Variants in CNDP1 observed in about 807,000 individuals in gnomAD.
CNDP1 encodes carnosine dipeptidase 1.
A neutral mutation model predicts 58.1 loss-of-function variants in CNDP1; 44 were observed. The observed-to-expected ratio is 0.76, with a 90% CI of 0.60 to 0.97. The LOEUF is 0.97. Ranked by LOEUF, CNDP1 falls within the 50% of genes least tolerant of loss-of-function variation. The pLI, the probability that CNDP1 is intolerant of heterozygous loss-of-function variation, is 0.00. For synonymous variants in CNDP1, 254 were observed against 252.6 expected (o/e 1.01, Z -0.05); for missense variants, 616 against 655.1 (o/e 0.94, Z 0.65).
intron 1 of CNDP1, among the ~76,000 whole-genome samples, chr18:74,548,104 C>T (rs1350789289): frequency 1.3e-5 from 2 of 152,184 alleles, no homozygotes; most frequent in African/African-American, 4.8e-5. Flanking sequence ...TCCTGTTCTT[C>T]AGCTCCTCTT....
chr18:74,544,216 C>A (rs960659572), intron 1 of CNDP1, among the ~76,000 whole-genome samples: 3 of 152,148 alleles, frequency 2.0e-5, no homozygotes, highest in South Asian at 2.1e-4. Context: ...TATGCCACTA[C>A]ACTCCAGCCT....
Position 74,556,466 on chromosome 18 carries a change from G to A in CNDP1, c.153G>A (p.Gln51=), listed in dbSNP as rs1465475006. 1.2e-6 allele frequency: 2 copies of A among 1,614,144 alleles called. No individual in the cohort carries two copies. The highest frequency in any genetic ancestry group is 8.5e-7 in the Non-Finnish European group (1 of 1,180,012). ...YIDLHQDEFV[Q]TLKEWVAIES... ...ACCTCCATCAGGATGAATTTGTGCA[G>A]GTAGGAGAAAGAAACTACACAACTA... is the stretch of plus-strand genomic sequence containing the variant. Residue 51 remains glutamine, a splice_region_variant and synonymous_variant, in exon 2 of 12, where the codon CAG becomes CAA. Coordinates refer to ENST00000358821, the MANE Select transcript of CNDP1 (RefSeq NM_032649.6).
At chr18:74,556,708 A>T (rs936728065) in intron 2 of CNDP1, among the ~76,000 whole-genome samples, 2 of 152,292 alleles carry the variant, frequency 1.3e-5, no homozygotes, top group Admixed American at 1.3e-4. Flanking sequence ...TGGTCCAGGG[A>T]TGTCCACACA....
chr18:74,560,455 C>A (rs1981160082), intron 3 of CNDP1, among the ~76,000 whole-genome samples: 1 of 152,148 alleles, frequency 6.6e-6, no homozygotes. Context: ...CACTTGAAAT[C>A]CTAGCACTTT....
intron 5 of CNDP1, among the ~76,000 whole-genome samples, chr18:74,565,557 A>G (rs998480689): frequency 2.6e-5 from 4 of 152,202 alleles, no homozygotes; most frequent in Non-Finnish European, 5.9e-5. Context: ...GTGTCCATGC[A>G]AGTCTGAAAT....
intron 1 of CNDP1, among the ~76,000 whole-genome samples, chr18:74,546,848 C>A (rs1980772974): frequency 6.6e-6 from 1 of 152,198 alleles, no homozygotes; most frequent in African/African-American, 2.4e-5. Context: ...GGTGTGTGGC[C>A]TCACATTCTG....
At chr18:74,554,142 C>T (rs185574246) in intron 1 of CNDP1, among the ~76,000 whole-genome samples, 6 of 152,288 alleles carry the variant, frequency 3.9e-5, no homozygotes, top group African/African-American at 9.6e-5. Context: ...GATGCCACCC[C>T]GACTGCACTG....
Position 74,569,716 on chromosome 18 carries a change from A to G in CNDP1, c.757-1470A>G, listed in dbSNP as rs146743871. On this transcript the variant is annotated intron_variant, in intron 6 of 11. Coordinates refer to ENST00000358821, the MANE Select transcript of CNDP1 (RefSeq NM_032649.6). ...AAGCCATGGGCTCCATGGAGTTCCC[A>G]AGGAGGCAATTCTCCTTAGTGCCTC... 1.2e-4 allele frequency among the ~76,000 whole-genome samples: 18 copies of G among 152,292 alleles called. No individual in the cohort carries two copies. In the East Asian group the frequency reaches 3.5e-3, roughly 29 times the overall value.
rs763668694 is a variant in CNDP1 at position 74,559,505 on chromosome 18, G to A, written c.303+33G>A. ...ACGATTCCCTCCCACTGAGGGAGGT[G>A]CTACTTCTAGACGTCAGTCATGCCT... On this transcript the variant is annotated intron_variant, in intron 3 of 11. Coordinates refer to ENST00000358821, the MANE Select transcript of CNDP1 (RefSeq NM_032649.6). 1.9e-6 allele frequency: 3 copies of A among 1,582,526 alleles called. No homozygotes were observed. In the Admixed American group the frequency reaches 5.4e-5, roughly 28 times the overall value.
chr18:74,556,356 G>GTGT lies in CNDP1; in HGVS notation c.45_46insTTG (p.Leu20dup), dbSNP rs1555709373. 3.8e-6 allele frequency: 6 copies of GTGT among 1,574,172 alleles called. No individual in the cohort carries two copies. The South Asian group carries it at 5.7e-5, about 15-fold the overall frequency. On this transcript the variant is annotated inframe_insertion, in exon 2 of 12. Transcript: ENST00000358821. ...CTTCCAGGCTGCGTCCCTGCTGGCTGTGCTGCTGCTGCTGCTGGAGCGCGG... is the reference window on the plus strand; with the variant it reads ...CTTCCAGGCTGCGTCCCTGCTGGCTGTGTTGCTGCTGCTGCTGCTGGAGCGCGG...
At chr18:74,546,406 A>G (rs1000466813) in intron 1 of CNDP1, among the ~76,000 whole-genome samples, 2 of 152,188 alleles carry the variant, frequency 1.3e-5, no homozygotes, top group Admixed American at 6.5e-5. Context: ...GGCCCACCCT[A>G]GCGGCTTGGT....
Position 74,554,390 on chromosome 18 carries a change from T to C in CNDP1, c.25-1948T>C, listed in dbSNP as rs1466928092. ...CCCCAGGTGCTGAGTGACACTCTGG[T>C]TAGGGAGATGCACTCTTTATTGCCG... On this transcript the variant is annotated intron_variant, in intron 1 of 11. Coordinates refer to ENST00000358821, the MANE Select transcript of CNDP1 (RefSeq NM_032649.6). 3.9e-5 allele frequency among the ~76,000 whole-genome samples: 6 copies of C among 152,250 alleles called. No homozygotes were observed. The East Asian group carries it at 5.8e-4, about 15-fold the overall frequency.
intron 5 of CNDP1, among the ~76,000 whole-genome samples, chr18:74,565,832 G>T (rs1442937324): frequency 2.0e-5 from 3 of 152,198 alleles, no homozygotes; most frequent in African/African-American, 7.2e-5. Flanking sequence ...CTCCACTAGG[G>T]AGTGCCCCAC....
intron 7 of CNDP1, among the ~76,000 whole-genome samples, chr18:74,575,831 A>ATGTATGTGTGTG (rs1555711148): frequency 0.12 from 10,879 of 94,106 alleles, 721 homozygotes; most frequent in Non-Finnish European, 0.16. Flanking sequence ...GTGTGTATAC[A>ATGTATGTGTGTG]TGTGTGTGTG....
In CNDP1 at chr18:74,545,409, A is replaced by T. The variant is rs1980733789; in HGVS notation, c.24+10718A>T. Among the ~76,000 whole-genome samples the T allele has an allele frequency of 6.6e-6, 1 of 152,178 alleles. No homozygotes were observed. Among genetic ancestry groups the T allele is most frequent in the East Asian group, 1.9e-4 (1 of 5,192 alleles). On this transcript the variant is annotated intron_variant, in intron 1 of 11. Transcript: ENST00000358821. The surrounding 1 kb of genome is among the most constrained non-coding windows in gnomAD (Gnocchi z 4.1). ...AGCCTGGCACTTTGAAGTCAAAGTA[A>T]TTTTGCTGTGAGCTGAATGTGTAAG...
chr18:74,554,053 C>A (rs760971721), intron 1 of CNDP1, among the ~76,000 whole-genome samples: 5 of 152,168 alleles, frequency 3.3e-5, no homozygotes, highest in Non-Finnish European at 7.3e-5. Context: ...AGAGAGGTAC[C>A]CGAAGGAGTA....
At chr18:74,567,847 G>A (rs1052188097) in intron 6 of CNDP1, among the ~76,000 whole-genome samples, 5 of 152,204 alleles carry the variant, frequency 3.3e-5, no homozygotes, top group African/African-American at 7.2e-5. Flanking sequence ...CCCCAGTGCC[G>A]TGGTCACAGG....
rs1263232429 is a variant in CNDP1 at position 74,585,561 on chromosome 18, AAC to A, written c.*1001_*1002del. On this transcript the variant is annotated 3_prime_UTR_variant, in exon 12 of 12. Coordinates refer to ENST00000358821, the MANE Select transcript of CNDP1 (RefSeq NM_032649.6). ...CTTGATTGGATTTGACGGTGTAAAC[AAC>A]AAAAAAAGACAGTCATTTTTCTACA... 3 of 92,226 alleles carry A rather than the reference AAC, an allele frequency of 3.3e-5. No individual in the cohort carries two copies. Among genetic ancestry groups the A allele is most frequent in the African/African-American group, 9.4e-5 (3 of 32,052 alleles). 5.7% of individuals were successfully genotyped at this position (92,226 alleles called of 1,614,324 possible).
intron 1 of CNDP1, among the ~76,000 whole-genome samples, chr18:74,553,848 C>T (rs971729914): frequency 6.6e-6 from 1 of 152,180 alleles, no homozygotes; most frequent in Non-Finnish European, 1.5e-5. Context: ...CAGTTTCCTC[C>T]AAGATGCTGC....
Sources: allele counts gnomAD v4.1 joint callset (sites outside exome capture counted in the v4.1 genomes callset), GRCh38; gene constraint gnomAD v4.1.1; non-coding constraint Gnocchi (gnomAD v3.1); transcripts MANE v1.5; gene names NCBI Gene and HGNC (gene_info 2026-07-23, HGNC 2026-07-21).